TAS2R14: variants seen among roughly 807,000 people sequenced by gnomAD.
TAS2R14 encodes taste receptor type 2 member 14.
For missense variants in TAS2R14, 383 were observed against 372.0 expected (o/e 1.03, Z -0.24); for synonymous variants, 131 against 131.0 (o/e 1.00, Z 0.00).
chr12:10,938,622 C>T (rs763510400), exon 1 of TAS2R14: 25 of 1,613,604 alleles, frequency 1.5e-5, no homozygotes, highest in Non-Finnish European at 2.0e-5. Flanking sequence ...AGAAACATTG[C>T]CAGGGACAAA....
exon 1 of TAS2R14, chr12:10,939,224 C>T (rs1345853932): frequency 1.4e-6 from 2 of 1,424,174 alleles, no homozygotes; most frequent in East Asian, 4.6e-5. Context: ...TAAGAGCATG[C>T]CCCAATGTCT....
At chr12:10,938,785 C>T in exon 1 of TAS2R14, 1 of 1,613,408 alleles carries the variant, frequency 6.2e-7, no homozygotes. Flanking sequence ...TATTTAAAAA[C>T]AAGAAGACCG....
At chr12:10,937,479 A>C (rs976497658) in exon 1 of TAS2R14, 2 of 152,162 alleles carry the variant, frequency 1.3e-5, no homozygotes, top group African/African-American at 4.8e-5. Flanking sequence ...CTCCCTGAAG[A>C]ATATTTTTAA....
chr12:10,939,075 C>G lies in TAS2R14; in HGVS notation c.133G>C (p.Asp45His), dbSNP rs1308260580. 3 of 1,613,986 alleles carry G rather than the reference C, an allele frequency of 1.9e-6. No homozygotes were observed. In the South Asian group the frequency reaches 3.3e-5, roughly 18 times the overall value. Reference sequence around the variant, plus strand: ...ATTGCCAAAGCAGTGAGGATCCGATCAACCGAAGAGATCTTTCTTCCCTTG... The same window carrying G: ...ATTGCCAAAGCAGTGAGGATCCGATGAACCGAAGAGATCTTTCTTCCCTTG... Residue 45 changes from aspartate to histidine, a missense_variant, in exon 1 of 1, where the codon GAT (aspartate) becomes CAT (histidine). By Grantham distance (81) the Asp-to-His change is moderately conservative (BLOSUM62 -1). Coordinates refer to ENST00000537503, the Ensembl canonical transcript of TAS2R14.
chr12:10,938,144 G>C lies in TAS2R14; in HGVS notation c.*110C>G, dbSNP rs1029952953. 5 of 714,368 alleles carry C rather than the reference G, an allele frequency of 7.0e-6. No homozygotes were observed. In the African/African-American group the frequency reaches 9.0e-5, roughly 13 times the overall value. The allele number at this position is 714,368 out of a possible 1,614,324, so 44.3% of individuals were successfully genotyped here. ...TATGTTTGGATGGTGTTGATTCCAAGCATATCTTTGTAAAATTCACAAAGT... is the reference window on the plus strand; with the variant it reads ...TATGTTTGGATGGTGTTGATTCCAACCATATCTTTGTAAAATTCACAAAGT... On this transcript the variant is annotated 3_prime_UTR_variant, in exon 1 of 1. Coordinates refer to ENST00000537503, the Ensembl canonical transcript of TAS2R14.
exon 1 of TAS2R14, chr12:10,937,533 A>G (rs1050896605): frequency 7.2e-5 from 11 of 152,170 alleles, no homozygotes; most frequent in African/African-American, 1.2e-4. Context: ...GTTTATTGTT[A>G]AAACACTAGA....
exon 1 of TAS2R14, chr12:10,938,563 A>G: frequency 6.2e-7 from 1 of 1,613,990 alleles, no homozygotes; most frequent in Non-Finnish European, 8.5e-7. Flanking sequence ...ATATTTTGAC[A>G]GTGTGCTGCA....
exon 1 of TAS2R14, chr12:10,938,424 T>C (rs1950327476): frequency 1.2e-6 from 2 of 1,613,894 alleles, no homozygotes; most frequent in African/African-American, 1.3e-5. Context: ...GAAAGAATAA[T>C]TAGATTTTCC....
chr12:10,938,527 G>C (rs1591702010), exon 1 of TAS2R14: 1 of 1,614,040 alleles, frequency 6.2e-7, no homozygotes, highest in East Asian at 2.2e-5. Context: ...TAACTCCTCT[G>C]TGGGCTTTGG....
chr12:10,938,537 G>C (rs1428408950), exon 1 of TAS2R14: 3 of 1,614,024 alleles, frequency 1.9e-6, no homozygotes, highest in East Asian at 2.2e-5. Context: ...GTGGGCTTTG[G>C]TGCTGGCGTC....
At chr12:10,938,296 A>G (rs775561259) in exon 1 of TAS2R14, 1 of 1,611,348 alleles carries the variant, frequency 6.2e-7, no homozygotes, top group South Asian at 1.1e-5. Context: ...AGGGCTCCCC[A>G]TCTTTGAACA....
exon 1 of TAS2R14, chr12:10,939,234 T>A (rs1347547605): frequency 7.4e-7 from 1 of 1,349,536 alleles, no homozygotes; most frequent in Non-Finnish European, 1.0e-6. Context: ...CCCCAATGTC[T>A]AATATCACTG....
exon 1 of TAS2R14, chr12:10,938,255 C>A (rs1316456992): frequency 1.9e-6 from 3 of 1,572,478 alleles, no homozygotes; most frequent in African/African-American, 2.8e-5. Context: ...CTAATATATT[C>A]AAGATGATTC....
chr12:10,938,027 T>C, exon 1 of TAS2R14: 1 of 399,350 alleles, frequency 2.5e-6, no homozygotes, highest in Non-Finnish European at 4.4e-6. Flanking sequence ...TGATACAAAA[T>C]CTATATTATC....
exon 1 of TAS2R14, chr12:10,938,904 C>G: frequency 6.2e-7 from 1 of 1,613,938 alleles, no homozygotes; most frequent in Non-Finnish European, 8.5e-7. Context: ...GTACCGAGGC[C>G]TGTAGCTAAC....
chr12:10,938,147 T>C lies in TAS2R14; in HGVS notation c.*107A>G, dbSNP rs77492248. ...GTTTGGATGGTGTTGATTCCAAGCA[T>C]ATCTTTGTAAAATTCACAAAGTTAT... On this transcript the variant is annotated 3_prime_UTR_variant, in exon 1 of 1. Transcript: ENST00000537503. 4.4e-3 allele frequency: 3,301 copies of C among 747,190 alleles called. 82 individuals are homozygous for C. In the African/African-American group the frequency reaches 0.05, roughly 11 times the overall value. 46.3% of individuals were successfully genotyped at this position (747,190 alleles called of 1,614,324 possible).
In TAS2R14 at chr12:10,939,080, G is replaced by A. The variant is rs375585680; in HGVS notation, c.128C>T (p.Ser43Leu). 1.1e-5 allele frequency: 18 copies of A among 1,613,832 alleles called. No individual in the cohort carries two copies. The African/African-American group carries it at 1.6e-4, about 14-fold the overall frequency. ...CAAAGCAGTGAGGATCCGATCAACC[G>A]AAGAGATCTTTCTTCCCTTGACCCA... Residue 43 changes from serine (S) to leucine (L), a missense_variant, in exon 1 of 1, where the codon TCG (serine) becomes TTG (leucine). Coordinates refer to ENST00000537503, the Ensembl canonical transcript of TAS2R14.
At chr12:10,938,166 A>T in exon 1 of TAS2R14, 1 of 916,038 alleles carries the variant, frequency 1.1e-6, no homozygotes, top group Non-Finnish European at 1.6e-6. Context: ...AAAATTCACA[A>T]AGTTATACAC....
chr12:10,938,446 A>G, exon 1 of TAS2R14: 1 of 1,614,090 alleles, frequency 6.2e-7, no homozygotes, highest in Non-Finnish European at 8.5e-7. Context: ...CCAACCTTTC[A>G]GAGGTCCAAA....
Sources: gnomAD v4.1 joint callset for allele counts on GRCh38, gnomAD v4.1.1 for gene constraint, MANE v1.5 for transcripts, NCBI Gene and HGNC (gene_info 2026-07-23, HGNC 2026-07-21) for gene names.